The following ANAPC2 variants were observed in gnomAD, a reference collection of about 807,000 sequenced individuals.
ANAPC2 encodes the protein anaphase-promoting complex subunit 2.
In ANAPC2, 29 loss-of-function variants were observed where a neutral mutation model predicts 84.3. The ratio of observed to expected loss-of-function variants is 0.34; its 90% CI spans 0.26 to 0.47. The LOEUF (loss-of-function observed/expected upper bound fraction) is 0.47. ANAPC2 is among the 20% of genes least tolerant of loss of function. The pLI is 1.00. For synonymous variants in ANAPC2, 571 were observed against 479.4 expected (o/e 1.19, Z -2.50); for missense variants, 857 against 1,131.7 (o/e 0.76, Z 3.48).
intron 6 of ANAPC2, 62 bp downstream of exon 6, chr9:137,183,063 C>T (rs1390811379): frequency 1.4e-6 from 2 of 1,397,506 alleles, no homozygotes; most frequent in African/African-American, 1.4e-5. Flanking sequence ...CCCCCAGGAC[C>T]ACGAGGAGCT....
In ANAPC2 at chr9:137,187,801, C is replaced by T. The variant is rs750274649; in HGVS notation, c.420G>A (p.Leu140=). The T allele has an allele frequency of 7.1e-5, 115 of 1,613,546 alleles. No homozygotes were observed. The highest frequency in any genetic ancestry group is 6.0e-4 in the Admixed American group (36 of 60,008). ...GCCCCTGAGCACCAGTGCCCATCAGCAAGCCCAGGCGAGTCCATTTCTCCA... is the reference window on the plus strand; with the variant it reads ...GCCCCTGAGCACCAGTGCCCATCAGTAAGCCCAGGCGAGTCCATTTCTCCA... The part of the protein sequence containing the change: ...ELLEKWTRLG[L]LMGTGAQGLR... Residue 140 remains leucine (L), a synonymous_variant, in exon 2 of 13, where the codon TTG becomes TTA. Coordinates refer to ENST00000323927, the MANE Select transcript of ANAPC2 (RefSeq NM_013366.4).
chr9:137,180,417 G>C (rs374387269), intron 9 of ANAPC2, 33 bp from the exon 10 acceptor site: 1 of 1,612,360 alleles, frequency 6.2e-7, no homozygotes, highest in East Asian at 2.2e-5. Context: ...GGGGACCTGC[G>C]GGGCGGCCGG....
chr9:137,178,217 C>A (rs555277847), intron 10 of ANAPC2, among the ~76,000 whole-genome samples: 1 of 82,642 alleles, frequency 1.2e-5, no homozygotes, highest in South Asian at 4.6e-4. Context: ...TCCACAAACG[C>A]CGCCACTGGT....
chr9:137,184,454 G>A, intron 4 of ANAPC2, among the ~76,000 whole-genome samples: 1 of 146,798 alleles, frequency 6.8e-6, no homozygotes, highest in East Asian at 2.0e-4. Context: ...TGAAGGCACA[G>A]GGAGCCCAAG....
intron 10 of ANAPC2, among the ~76,000 whole-genome samples, chr9:137,179,685 T>G (rs1453560712): frequency 6.6e-6 from 1 of 152,150 alleles, no homozygotes; most frequent in Non-Finnish European, 1.5e-5. Context: ...CAAAGGCAGT[T>G]CTCGAGGAAA....
In ANAPC2 at chr9:137,184,986, G is replaced by A; in HGVS notation, c.975C>T (p.Arg325=). 3.1e-6 allele frequency: 5 copies of A among 1,610,958 alleles called. No homozygotes were observed. Among genetic ancestry groups the A allele is most frequent in the Non-Finnish European group, 4.2e-6 (5 of 1,179,192 alleles). The change falls in exon 4 of 13, where the codon CGC becomes CGT. Residue 325 remains arginine, a synonymous_variant. Coordinates refer to ENST00000323927, the MANE Select transcript of ANAPC2 (RefSeq NM_013366.4). Reference sequence around the variant, plus strand: ...GGTAGAAGAACCTTTGCACGTGGCAGCGCCAGCGGCGCAGGGTGTTGCCGG... The same window carrying A: ...GGTAGAAGAACCTTTGCACGTGGCAACGCCAGCGGCGCAGGGTGTTGCCGG... ...PEAGNTLRRW[R]CHVQRFFYRI...
intron 10 of ANAPC2, 24 bp downstream of exon 10, chr9:137,180,157 T>C: frequency 6.2e-7 from 1 of 1,608,958 alleles, no homozygotes; most frequent in Middle Eastern, 1.7e-4. Flanking sequence ...CAAGAGCCCA[T>C]GGGGTGGCCT....
At chr9:137,183,568 C>T (rs1055944714) in intron 5 of ANAPC2, 104 bp downstream of exon 5, 4 of 1,481,346 alleles carry the variant, frequency 2.7e-6, no homozygotes, top group East Asian at 2.4e-5. Flanking sequence ...TTCCTTAGAC[C>T]TACAAGTCCA....
chr9:137,181,886 G>C (rs760428991), intron 6 of ANAPC2, 24 bp from the exon 7 acceptor site: 1 of 1,590,186 alleles, frequency 6.3e-7, no homozygotes, highest in Non-Finnish European at 8.5e-7. Context: ...TGCTGCTGTG[G>C]CCCACAGTGT....
At chr9:137,185,500 C>G (rs539108874) in intron 3 of ANAPC2, among the ~76,000 whole-genome samples, 1 of 152,204 alleles carries the variant, frequency 6.6e-6, no homozygotes, top group African/African-American at 2.4e-5. Context: ...GGGGCCCAGG[C>G]GTGCTCATGC....
At chr9:137,183,430 T>C in intron 5 of ANAPC2, 188 bp from the exon 6 acceptor site, 1 of 746,792 alleles carries the variant, frequency 1.3e-6, no homozygotes, top group Non-Finnish European at 2.2e-6. Context: ...AGGTCTGTTC[T>C]GAGAGAACTA....
At chr9:137,182,158 G>A (rs1009912484) in intron 6 of ANAPC2, among the ~76,000 whole-genome samples, 3 of 152,166 alleles carry the variant, frequency 2.0e-5, no homozygotes, top group African/African-American at 4.8e-5. Context: ...GCTGCAGGGA[G>A]ACAGGATTCT....
chr9:137,184,743 C>T (rs767988149), intron 4 of ANAPC2, among the ~76,000 whole-genome samples, 170 bp downstream of exon 4: 7 of 141,950 alleles, frequency 4.9e-5, no homozygotes, highest in African/African-American at 8.0e-5. Context: ...GGAGCCCAGA[C>T]GCAGACACAG....
intron 10 of ANAPC2, among the ~76,000 whole-genome samples, 176 bp downstream of exon 10, chr9:137,180,005 G>A (rs1834307822): frequency 6.6e-6 from 1 of 152,264 alleles, no homozygotes; most frequent in Admixed American, 6.5e-5. Context: ...CTGGGAGGAA[G>A]GCGGAGAGAG....
intron 3 of ANAPC2, among the ~76,000 whole-genome samples, chr9:137,185,524 T>C (rs905635651): frequency 5.9e-5 from 9 of 152,312 alleles, no homozygotes; most frequent in African/African-American, 2.2e-4. Flanking sequence ...ACAGACCTGC[T>C]ACCCAGTGGC....
chr9:137,174,815 C>CGGGG lies in ANAPC2; in HGVS notation c.*123_*126dup. The stretch of plus-strand genomic sequence containing the variant: ...CTGACTTGCTTTAATCTGCACACTG[C>CGGGG]GGGGGTGGGGGTGGGCATGCTCCTC... On this transcript the variant is annotated 3_prime_UTR_variant, in exon 13 of 13. Coordinates refer to ENST00000323927, the MANE Select transcript of ANAPC2 (RefSeq NM_013366.4). The surrounding 1 kb of genome is among the most constrained non-coding windows in gnomAD (Gnocchi z 6.1). 1.6e-6 allele frequency: 1 copy of CGGGG among 638,930 alleles called. No individual in the cohort carries two copies. The highest frequency in any genetic ancestry group is 2.5e-6 in the Non-Finnish European group (1 of 395,676). 39.6% of individuals were successfully genotyped at this position (638,930 alleles called of 1,614,324 possible). A position where few individuals can be genotyped will look rare whatever the true frequency, so the allele number is the denominator to read the frequency against.
At chr9:137,188,147 G>C in intron 1 of ANAPC2, 44 bp from the exon 2 acceptor site, 1 of 1,579,030 alleles carries the variant, frequency 6.3e-7, no homozygotes, top group Non-Finnish European at 8.6e-7. Context: ...ACAACATAGA[G>C]GTGGGGAGAG....
In ANAPC2 at chr9:137,175,282, G is replaced by A; in HGVS notation, c.2211C>T (p.Asp737=). ...GGTCGGCCTGGGAGGCCATGCCGGAGTCGCTCTCGTCGTCACTGTCAATGA... is the reference window on the plus strand; with the variant it reads ...GGTCGGCCTGGGAGGCCATGCCGGAATCGCTCTCGTCGTCACTGTCAATGA... ...MVLIDSDDES[D]SGMASQADQK... is the part of the protein sequence containing the mutation. Residue 737 remains aspartate (D), a synonymous_variant, in exon 12 of 13, where the codon GAC becomes GAT. Transcript: ENST00000323927. 1 of 1,612,668 alleles carries A rather than the reference G, an allele frequency of 6.2e-7. No homozygotes were observed. Among genetic ancestry groups the A allele is most frequent in the Non-Finnish European group, 8.5e-7 (1 of 1,179,858 alleles).
chr9:137,187,253 T>C lies in ANAPC2; in HGVS notation c.740+228A>G, dbSNP rs28491420. On this transcript the variant is annotated intron_variant, in intron 2 of 12. Coordinates refer to ENST00000323927, the MANE Select transcript of ANAPC2 (RefSeq NM_013366.4). ...TTTGCTGCTGCAGACACAAGCCACATAGGGCCTTACCAGGGTCAAGGCATG... is the reference window on the plus strand; with the variant it reads ...TTTGCTGCTGCAGACACAAGCCACACAGGGCCTTACCAGGGTCAAGGCATG... 551 of 588,664 alleles carry C rather than the reference T, an allele frequency of 9.4e-4. 6 individuals carry two copies. The East Asian group carries it at 0.015, about 16-fold the overall frequency. 36.5% of individuals were successfully genotyped at this position (588,664 alleles called of 1,614,324 possible).
Sources: allele counts gnomAD v4.1 joint callset (sites outside exome capture counted in the v4.1 genomes callset), GRCh38; gene constraint gnomAD v4.1.1; non-coding constraint Gnocchi (gnomAD v3.1); transcripts MANE v1.5; gene names NCBI Gene and HGNC (gene_info 2026-07-23, HGNC 2026-07-21).